The following CLDN18 variants were observed in gnomAD, a reference collection of about 807,000 sequenced individuals.
CLDN18 encodes claudin 18.
In CLDN18, 20 loss-of-function variants were observed where a neutral mutation model predicts 25.0. The ratio of observed to expected loss-of-function variants is 0.80; its 90% CI spans 0.56 to 1.16. The LOEUF (loss-of-function observed/expected upper bound fraction) is 1.16, where lower values mean the gene tolerates loss of function less well. CLDN18 is among the 50% of genes most tolerant of loss of function. CLDN18 has a pLI of 0.00. For synonymous variants in CLDN18, 125 were observed against 135.6 expected (o/e 0.92, Z 0.54); for missense variants, 297 against 345.4 (o/e 0.86, Z 1.11).
chr3:138,026,868 G>A lies in CLDN18; in HGVS notation c.503+2144G>A, dbSNP rs575463464. On this transcript the variant is annotated intron_variant, in intron 3 of 4. Coordinates refer to ENST00000183605, the MANE Select transcript of CLDN18 (RefSeq NM_016369.4). Reference sequence around the variant, plus strand: ...GAGAGCTGTGCAGTGTGAATTATACGCCAGAGTTGTCTCAACTCCAAACTA... The same window carrying A: ...GAGAGCTGTGCAGTGTGAATTATACACCAGAGTTGTCTCAACTCCAAACTA... 8.5e-5 allele frequency among the ~76,000 whole-genome samples: 13 copies of A among 152,216 alleles called. No individual in the cohort carries two copies. The South Asian group carries it at 2.5e-3, about 29-fold the overall frequency.
chr3:138,006,805 A>G (rs1426148520), upstream of CLDN18, among the ~76,000 whole-genome samples: 2 of 152,202 alleles, frequency 1.3e-5, no homozygotes, highest in Non-Finnish European at 2.9e-5. Context: ...CTCATTCAGT[A>G]TTCTGCCTAG....
At chr3:138,015,220 C>T (rs1210699307) in intron 1 of CLDN18, among the ~76,000 whole-genome samples, 1 of 152,114 alleles carries the variant, frequency 6.6e-6, no homozygotes, top group Non-Finnish European at 1.5e-5. Flanking sequence ...TTGAAAGAAA[C>T]TCAAAAGCTA....
chr3:138,012,216 C>T (rs1002117257), intron 1 of CLDN18, among the ~76,000 whole-genome samples: 5 of 152,176 alleles, frequency 3.3e-5, no homozygotes, highest in African/African-American at 9.7e-5. Flanking sequence ...TTTCCACTAC[C>T]TCTCACCCTT....
At chr3:137,998,836 T>A (rs760181526) in exon 1 of CLDN18, 2 of 1,603,554 alleles carry the variant, frequency 1.2e-6, no homozygotes, top group Admixed American at 3.3e-5. Flanking sequence ...TGTCCACTTG[T>A]CGTGTGGCTC....
Position 138,033,418 on chromosome 3 carries a change from G to C in CLDN18, c.*2277G>C, listed in dbSNP as rs1228825419. The C allele has an allele frequency of 6.6e-6, 1 of 152,242 alleles. No homozygotes were observed. Among genetic ancestry groups the C allele is most frequent in the African/African-American group, 2.4e-5 (1 of 41,456 alleles). The allele number at this position is 152,242 out of a possible 1,614,324, so 9.4% of individuals were successfully genotyped here. ...AGTTGAAGGCCACAGGGCACAATGAGCTCTCCCTTCTACCACCAGAAAGTC... is the reference window on the plus strand; with the variant it reads ...AGTTGAAGGCCACAGGGCACAATGACCTCTCCCTTCTACCACCAGAAAGTC... On this transcript the variant is annotated 3_prime_UTR_variant, in exon 5 of 5. Transcript: ENST00000183605.
At chr3:138,029,938 G>A (rs540893713) in intron 4 of CLDN18, 31 bp downstream of exon 4, 32 of 1,338,862 alleles carry the variant, frequency 2.4e-5, no homozygotes, top group South Asian at 2.5e-5. Context: ...GCAACCAGAC[G>A]TTTTATTTGT....
chr3:138,003,684 A>G (rs966927108), intron 1 of CLDN18, among the ~76,000 whole-genome samples: 3 of 152,202 alleles, frequency 2.0e-5, no homozygotes, highest in African/African-American at 7.2e-5. Context: ...GGCTATTATT[A>G]AAATGTAAAT....
intron 1 of CLDN18, among the ~76,000 whole-genome samples, chr3:138,002,946 T>C (rs1942033590): frequency 6.6e-6 from 1 of 152,188 alleles, no homozygotes; most frequent in Non-Finnish European, 1.5e-5. Context: ...TTAGAAGAAA[T>C]ATTTATTCAT....
At chr3:137,999,012 G>A (rs1340819105) in exon 1 of CLDN18, 4 of 1,614,100 alleles carry the variant, frequency 2.5e-6, no homozygotes, top group African/African-American at 1.3e-5. Context: ...ACTACCAGGG[G>A]CTGTGGCGCT....
At chr3:138,009,896 G>A, upstream of CLDN18, 1 of 309,088 alleles carries the variant, frequency 3.2e-6, no homozygotes. Flanking sequence ...AGATGGCGGC[G>A]CTCTCCGGAG....
chr3:138,013,016 A>T (rs1942160243), intron 1 of CLDN18, among the ~76,000 whole-genome samples: 1 of 152,212 alleles, frequency 6.6e-6, no homozygotes, highest in Non-Finnish European at 1.5e-5. Context: ...CTTCAGCTGG[A>T]TAAGAATTAT....
At chr3:138,018,985 C>A (rs987704622) in intron 1 of CLDN18, among the ~76,000 whole-genome samples, 1 of 152,166 alleles carries the variant, frequency 6.6e-6, no homozygotes. Flanking sequence ...AATCCTCAAC[C>A]ATATTTTATC....
chr3:138,030,205 T>C (rs1942371927), intron 4 of CLDN18, among the ~76,000 whole-genome samples: 1 of 152,246 alleles, frequency 6.6e-6, no homozygotes, highest in South Asian at 2.1e-4. Context: ...CCAGGGGATA[T>C]CTGGCAACAC....
At chr3:138,028,907 G>C (rs899090456) in intron 3 of CLDN18, among the ~76,000 whole-genome samples, 3 of 152,142 alleles carry the variant, frequency 2.0e-5, no homozygotes, top group Non-Finnish European at 2.9e-5. Context: ...TACCTTGTTC[G>C]CCCTGTGTCC....
chr3:138,028,906 C>T (rs776457506), intron 3 of CLDN18, among the ~76,000 whole-genome samples: 7 of 152,296 alleles, frequency 4.6e-5, no homozygotes, highest in Admixed American at 2.0e-4. Context: ...CTACCTTGTT[C>T]GCCCTGTGTC....
At chr3:138,016,841 G>A (rs113851463) in intron 1 of CLDN18, among the ~76,000 whole-genome samples, 2,187 of 152,218 alleles carry the variant, frequency 0.014, 50 homozygotes, top group African/African-American at 0.051. Flanking sequence ...ATCACCTAAG[G>A]TCAGGATTTC....
chr3:138,016,015 T>C (rs971202349), intron 1 of CLDN18, among the ~76,000 whole-genome samples: 5 of 152,196 alleles, frequency 3.3e-5, no homozygotes, highest in African/African-American at 1.2e-4. Context: ...TTCAATCTCA[T>C]TGTATTCTAC....
chr3:138,029,678 G>A (rs897065991), intron 3 of CLDN18, 119 bp from the exon 4 acceptor site: 7 of 635,816 alleles, frequency 1.1e-5, no homozygotes, highest in Non-Finnish European at 1.4e-5. Flanking sequence ...CAGGGGCATG[G>A]TCAGGGATGG....
At position 138,000,190 on chromosome 3, in the gene CLDN18, C is replaced by T. The variant is rs545025359; in HGVS notation, c.220+1102C>T. Among the ~76,000 whole-genome samples the T allele has an allele frequency of 5.0e-4, 76 of 152,212 alleles. No individual in the cohort carries two copies. In the South Asian group the frequency reaches 8.1e-3, roughly 16 times the overall value. The stretch of plus-strand genomic sequence containing the variant: ...TAACCTTGGGAATCTGTGGGCCTAC[C>T]ATTCCCAAAAATATAAAAGAGTGCA... On this transcript the variant is annotated intron_variant, in intron 1 of 4. Transcript: ENST00000343735.
Sources: allele counts gnomAD v4.1 joint callset (sites outside exome capture counted in the v4.1 genomes callset), GRCh38; gene constraint gnomAD v4.1.1; transcripts MANE v1.5; gene names NCBI Gene and HGNC (gene_info 2026-07-23, HGNC 2026-07-21).